The following KDM6A variants were observed in gnomAD, a reference collection of about 807,000 sequenced individuals.
KDM6A encodes lysine-specific demethylase 6A.
A neutral mutation model predicts 117.6 loss-of-function variants in KDM6A; 11 were observed. The observed-to-expected ratio is 0.09, with a 90% confidence interval of 0.06 to 0.15. The LOEUF (loss-of-function observed/expected upper bound fraction) is 0.15, where lower values mean the gene tolerates loss of function less well. KDM6A is among the 10% of genes least tolerant of loss of function. The probability of loss-of-function intolerance (pLI) is 1.00; values close to 1 mark genes in which losing one functional copy is unlikely to be tolerated. For synonymous variants in KDM6A, 384 were observed against 396.1 expected (o/e 0.97, Z 0.36); for missense variants, 799 against 1,077.3 (o/e 0.74, Z 3.62).
At chrX:44,883,149 A>G (rs970064186) in intron 2 of KDM6A, among the ~76,000 whole-genome samples, 5 of 108,176 alleles carry the variant, frequency 4.6e-5, no homozygotes, top group African/African-American at 1.7e-4. Flanking sequence ...GCTCACTGCA[A>G]CCTCTGCCTC....
At chrX:44,903,728 G>A (rs1355880320) in intron 2 of KDM6A, among the ~76,000 whole-genome samples, 2 of 110,800 alleles carry the variant, frequency 1.8e-5, no homozygotes, top group Non-Finnish European at 3.8e-5. Context: ...TGAGGCTGTC[G>A]AGCCTCTTTA....
At chrX:45,077,685 T>G (rs190102061) in intron 19 of KDM6A, among the ~76,000 whole-genome samples, 1 of 111,549 alleles carries the variant, frequency 9.0e-6, no homozygotes, top group East Asian at 2.8e-4. Flanking sequence ...AAAATTAAGT[T>G]TTTATCTTTT....
At chrX:44,911,042 C>T (rs1249007595) in intron 2 of KDM6A, among the ~76,000 whole-genome samples, 10 of 111,747 alleles carry the variant, frequency 8.9e-5, no homozygotes, top group Admixed American at 7.5e-4. Context: ...GGCGGCCGGG[C>T]AGAGGGGCTC....
intron 8 of KDM6A, among the ~76,000 whole-genome samples, chrX:45,045,950 C>T (rs2043517378): frequency 1.8e-5 from 2 of 111,468 alleles, no homozygotes; most frequent in Admixed American, 1.9e-4. Flanking sequence ...TACTGTTTTT[C>T]CTTTTTGTTT....
At chrX:44,913,295 A>T (rs978158615) in intron 2 of KDM6A, among the ~76,000 whole-genome samples, 15 of 68,011 alleles carry the variant, frequency 2.2e-4, no homozygotes, top group African/African-American at 7.7e-4. Flanking sequence ...ATATGTGTTA[A>T]CTGTTTTTTT....
At chrX:44,939,047 C>A (rs1042246070) in intron 2 of KDM6A, among the ~76,000 whole-genome samples, 1 of 112,436 alleles carries the variant, frequency 8.9e-6, no homozygotes, top group Non-Finnish European at 1.9e-5. Flanking sequence ...CATAAGGAGA[C>A]AAATGTGTTC....
chrX:44,990,553 CATAAATAAATAAATAAATAA>C (rs373439965), intron 4 of KDM6A, among the ~76,000 whole-genome samples: 2 of 93,833 alleles, frequency 2.1e-5, no homozygotes, highest in Non-Finnish European at 4.2e-5. Flanking sequence ...TGTCTCAAAA[CATAAATAAATAAATAAATAA>C]ATAAATAAAT....
chrX:44,998,751 T>C (rs1482313460), intron 4 of KDM6A, among the ~76,000 whole-genome samples: 4 of 111,818 alleles, frequency 3.6e-5, no homozygotes, highest in African/African-American at 1.3e-4. Flanking sequence ...TTGGCATGGT[T>C]TTATTTGTTA....
At chrX:44,900,149 T>G (rs1489282536) in intron 2 of KDM6A, among the ~76,000 whole-genome samples, 1 of 112,485 alleles carries the variant, frequency 8.9e-6, no homozygotes, top group East Asian at 2.8e-4. Flanking sequence ...TAGTTTCCTA[T>G]GCCAAATATA....
At chrX:44,904,460 C>T (rs970826703) in intron 2 of KDM6A, among the ~76,000 whole-genome samples, 2 of 112,035 alleles carry the variant, frequency 1.8e-5, no homozygotes, top group Non-Finnish European at 3.8e-5. Flanking sequence ...ACAGACATCT[C>T]AGTCTCCTGC....
rs58458471 is a variant in KDM6A at position 45,062,308 on chromosome X, G to A, written c.1582-339G>A. Among the ~76,000 whole-genome samples, 473 of 112,113 alleles carry A rather than the reference G, an allele frequency of 4.2e-3. 2 individuals carry two copies. Among genetic ancestry groups the A allele is most frequent in the African/African-American group, 0.014 (447 of 30,851 alleles). ...TTGTCTTCAGACTTTGCTTATTCCA[G>A]ACAGTGCTGCTTTTAGCATACTTGT... is the stretch of plus-strand genomic sequence containing the variant. On this transcript the variant is annotated intron_variant, in intron 15 of 29. Transcript: ENST00000611820.
intron 4 of KDM6A, among the ~76,000 whole-genome samples, chrX:44,990,572 A>AAATT (rs2040524698): frequency 9.1e-6 from 1 of 109,769 alleles, no homozygotes; most frequent in Non-Finnish European, 1.9e-5. Flanking sequence ...ATAAATAAAT[A>AAATT]AATAAATAAA....
chrX:44,896,250 A>AT (rs771876845), intron 2 of KDM6A, among the ~76,000 whole-genome samples: 17 of 107,984 alleles, frequency 1.6e-4, no homozygotes, highest in Admixed American at 3.0e-4. Context: ...ATTTTTTTGT[A>AT]TTTTTTTTAG....
chrX:44,988,291 T>C (rs2040360933), intron 4 of KDM6A, among the ~76,000 whole-genome samples: 2 of 111,398 alleles, frequency 1.8e-5, no homozygotes, highest in South Asian at 7.6e-4. Flanking sequence ...GCATTGGTTA[T>C]TCTAGTTAGC....
At chrX:45,027,031 A>G (rs1399229774) in intron 6 of KDM6A, among the ~76,000 whole-genome samples, 1 of 110,304 alleles carries the variant, frequency 9.1e-6, no homozygotes, top group Non-Finnish European at 1.9e-5. Context: ...GCTGGGCACC[A>G]TGGCTCATGC....
intron 2 of KDM6A, among the ~76,000 whole-genome samples, chrX:44,928,011 A>G (rs1327428303): frequency 9.0e-6 from 1 of 111,441 alleles, no homozygotes; most frequent in Non-Finnish European, 1.9e-5. Context: ...CGAGCCATGC[A>G]AAGAAACAGA....
intron 27 of KDM6A, among the ~76,000 whole-genome samples, chrX:45,103,552 T>C (rs960715827): frequency 1.8e-5 from 2 of 112,198 alleles, no homozygotes; most frequent in Non-Finnish European, 3.8e-5. Context: ...TAATTGCCCA[T>C]AAATATAAGG....
intron 2 of KDM6A, among the ~76,000 whole-genome samples, chrX:44,901,279 G>C (rs993404999): frequency 9.0e-6 from 1 of 110,559 alleles, no homozygotes; most frequent in East Asian, 2.8e-4. Context: ...TGCTCGGGAG[G>C]CTGAGGCAGG....
At chrX:44,878,764 C>G (rs2031944584) in intron 2 of KDM6A, among the ~76,000 whole-genome samples, 3 of 110,555 alleles carry the variant, frequency 2.7e-5, no homozygotes, top group African/African-American at 9.9e-5. Context: ...CACTATCCCC[C>G]AGGCTGGAGT....
Sources: allele counts gnomAD v4.1 joint callset (sites outside exome capture counted in the v4.1 genomes callset), GRCh38; gene constraint gnomAD v4.1.1; transcripts MANE v1.5; gene names NCBI Gene and HGNC (gene_info 2026-07-23, HGNC 2026-07-21).